The following ANK3 variants were observed in gnomAD, a reference collection of about 807,000 sequenced individuals.
The protein encoded by ANK3 is ankyrin 3.
Under a neutral mutation model 370.9 loss-of-function variants are expected in ANK3, and 57 were observed. The observed-to-expected ratio is 0.15, with a 90% confidence interval of 0.12 to 0.19. The LOEUF is 0.19. Among genes scored for constraint, ANK3 ranks in the 10% least tolerant of loss-of-function variants. ANK3 has a pLI of 1.00. For missense variants in ANK3, 4,439 were observed against 5,302.1 expected (o/e 0.84, Z 5.06); for synonymous variants, 1,929 against 1,946.3 (o/e 0.99, Z 0.23).
Position 60,378,000 on chromosome 10 carries a change from G to T in ANK3, c.114+11425C>A, listed in dbSNP as rs541808616. ...TTGCTAGCAAAGTCTAAAAGCATCT[G>T]TTTTTGTCTAATCAATTTTTTGAGA... On this transcript the variant is annotated intron_variant, in intron 1 of 43. Transcript: ENST00000280772. Among the ~76,000 whole-genome samples, 5 of 152,280 alleles carry T rather than the reference G, an allele frequency of 3.3e-5. No individual in the cohort carries two copies. In the South Asian group the frequency reaches 8.3e-4, roughly 25 times the overall value.
intron 16 of ANK3, among the ~76,000 whole-genome samples, chr10:60,193,709 T>G (rs894893821): frequency 6.6e-6 from 1 of 152,058 alleles, no homozygotes; most frequent in African/African-American, 2.4e-5. Context: ...GCTTTATAAC[T>G]TTGGTCAATT....
chr10:60,244,966 G>C (rs957417866), intron 7 of ANK3, among the ~76,000 whole-genome samples: 1 of 152,072 alleles, frequency 6.6e-6, no homozygotes, highest in African/African-American at 2.4e-5. Context: ...TCAGGAGATC[G>C]AGACCATCCT....
intron 2 of ANK3, among the ~76,000 whole-genome samples, chr10:60,395,550 C>CTTTCTTTCTTTCTTTCTT (rs1567004087): frequency 5.5e-5 from 6 of 108,384 alleles, no homozygotes; most frequent in Admixed American, 1.0e-4. Context: ...ACTACTATGC[C>CTTTCTTTCTTTCTTTCTT]TCTTTCTTTC....
At chr10:60,651,123 A>G (rs942297692) in intron 1 of ANK3, among the ~76,000 whole-genome samples, 2 of 152,164 alleles carry the variant, frequency 1.3e-5, no homozygotes, top group Admixed American at 6.6e-5. Context: ...TTTTATATAT[A>G]TGTGTGTGTG....
At chr10:60,456,375 T>C (rs547772262) in intron 2 of ANK3, among the ~76,000 whole-genome samples, 7 of 152,194 alleles carry the variant, frequency 4.6e-5, no homozygotes, top group Non-Finnish European at 8.8e-5. Flanking sequence ...GTTTCTATAA[T>C]TTACACTGTA....
intron 2 of ANK3, among the ~76,000 whole-genome samples, chr10:60,506,805 A>G (rs1374619997): frequency 1.3e-5 from 2 of 152,124 alleles, no homozygotes; most frequent in Non-Finnish European, 2.9e-5. Context: ...GTTCGTGCCC[A>G]GTTCTCTCAA....
chr10:60,659,327 C>T (rs1160112620), intron 1 of ANK3, among the ~76,000 whole-genome samples: 1 of 152,018 alleles, frequency 6.6e-6, no homozygotes, highest in Non-Finnish European at 1.5e-5. Context: ...TCATGTTGAC[C>T]CCCTTCAGTC....
Position 60,164,908 on chromosome 10 carries a change from T to C in ANK3, c.2614+1683A>G, listed in dbSNP as rs76153848. Among the ~76,000 whole-genome samples, 565 of 152,246 alleles carry C rather than the reference T, an allele frequency of 3.7e-3. 3 individuals carry two copies. The highest frequency in any genetic ancestry group is 0.013 in the African/African-American group (540 of 41,544). On this transcript the variant is annotated intron_variant, in intron 23 of 43. Transcript: ENST00000280772. ...GACACATTAAAGTAAGGGCCAAAGATTTTAAAGAAAAGATGCATAAAATGA... is the reference window on the plus strand; with the variant it reads ...GACACATTAAAGTAAGGGCCAAAGACTTTAAAGAAAAGATGCATAAAATGA...
Position 60,070,147 on chromosome 10 carries a change from T to C in ANK3, c.10734A>G (p.Thr3578=). 6.2e-7 allele frequency: 1 copy of C among 1,614,190 alleles called. No individual in the cohort carries two copies. Among genetic ancestry groups the C allele is most frequent in the Non-Finnish European group, 8.5e-7 (1 of 1,180,020 alleles). The change falls in exon 37 of 44, where the codon ACA becomes ACG. Residue 3578 remains threonine, a synonymous_variant. Coordinates refer to ENST00000280772, the MANE Select transcript of ANK3 (RefSeq NM_020987.5). This position sits in a 1 kb window ranked among gnomAD's most constrained non-coding sequence, Gnocchi z 5.7. ...TTCTGGCTGGCGTTGTATCAGGGGT[T>C]GTTGCTGGAGAGCGGTCTTCTACCG... The part of the protein sequence containing the change: ...GLAVEDRSPA[T]TPDTTPARTP...
chr10:60,107,491 A>G (rs529648812), intron 27 of ANK3, among the ~76,000 whole-genome samples: 12 of 152,226 alleles, frequency 7.9e-5, no homozygotes, highest in Admixed American at 3.3e-4. Context: ...AGGTTTCTTC[A>G]TGCAGACTGC....
Position 60,208,248 on chromosome 10 carries a change from G to T in ANK3, c.997-15C>A. The T allele has an allele frequency of 6.2e-7, 1 of 1,611,692 alleles. No homozygotes were observed. ...GATAATCCATTCTGGAACACATAAA[G>T]AAATCAGAGTTCATTCTTTTACCTT... is the stretch of plus-strand genomic sequence containing the variant. On this transcript the variant is annotated splice_polypyrimidine_tract_variant and intron_variant, in intron 9 of 43. Transcript: ENST00000280772.
intron 2 of ANK3, among the ~76,000 whole-genome samples, chr10:60,447,675 C>T (rs2133029689): frequency 6.6e-6 from 1 of 152,248 alleles, no homozygotes; most frequent in Admixed American, 6.5e-5. Context: ...TTATTCCTGA[C>T]CTTTATACCA....
intron 2 of ANK3, among the ~76,000 whole-genome samples, chr10:60,498,463 A>C (rs913034445): frequency 1.3e-5 from 2 of 152,088 alleles, no homozygotes; most frequent in Non-Finnish European, 2.9e-5. Flanking sequence ...ATCACAGCTC[A>C]CTGCAGCCTT....
chr10:60,395,708 C>G (rs187538952), intron 2 of ANK3, among the ~76,000 whole-genome samples: 1 of 151,398 alleles, frequency 6.6e-6, no homozygotes, highest in East Asian at 2.0e-4. Flanking sequence ...GCACTTGTGC[C>G]GAAAGAAGCA....
intron 1 of ANK3, among the ~76,000 whole-genome samples, chr10:60,693,687 G>T (rs1000741179): frequency 2.4e-4 from 36 of 152,172 alleles, no homozygotes; most frequent in African/African-American, 7.5e-4. Context: ...GCAGCTGAGG[G>T]TCCTGTCTGT....
At chr10:60,590,199 A>T (rs1482817567) in intron 2 of ANK3, among the ~76,000 whole-genome samples, 1 of 152,204 alleles carries the variant, frequency 6.6e-6, no homozygotes, top group African/African-American at 2.4e-5. Context: ...CGTAGCCACC[A>T]GTCATATGTG....
At chr10:60,476,305 C>T (rs528385395) in intron 2 of ANK3, among the ~76,000 whole-genome samples, 9 of 152,102 alleles carry the variant, frequency 5.9e-5, no homozygotes, top group South Asian at 2.1e-4. Flanking sequence ...ATCAAATGCT[C>T]GAAATATGGC....
intron 2 of ANK3, among the ~76,000 whole-genome samples, chr10:60,498,388 T>C (rs2075713606): frequency 6.6e-6 from 1 of 152,182 alleles, no homozygotes; most frequent in South Asian, 2.1e-4. Context: ...CTTCATGACC[T>C]TTTTATTTTT....
intron 26 of ANK3, among the ~76,000 whole-genome samples, chr10:60,112,342 C>G (rs189878644): frequency 1.5e-4 from 22 of 150,986 alleles, no homozygotes; most frequent in African/African-American, 4.9e-4. Context: ...TATATAGTTT[C>G]CTTCTTGAAT....
Sources: gnomAD v4.1 joint callset for allele counts (sites outside exome capture counted in the v4.1 genomes callset) on GRCh38, gnomAD v4.1.1 for gene constraint, Gnocchi (gnomAD v3.1) non-coding constraint, MANE v1.5 for transcripts, NCBI Gene and HGNC (gene_info 2026-07-23, HGNC 2026-07-21) for gene names.